Variants in THEMIS observed in about 807,000 individuals in gnomAD.
THEMIS encodes protein THEMIS.
Under a neutral mutation model 52.6 loss-of-function variants are expected in THEMIS, and 37 were observed. The observed-to-expected ratio is 0.70, with a 90% CI of 0.54 to 0.93. The LOEUF is 0.93. Ranked by LOEUF, THEMIS falls within the 40% of genes least tolerant of loss-of-function variation. The pLI is 0.00. For missense variants in THEMIS, 808 were observed against 763.1 expected, an observed-to-expected ratio of 1.06 and a Z score of -0.69; for synonymous variants, 292 against 272.7, an observed-to-expected ratio of 1.07 and a Z score of -0.70.
At chr6:127,774,138 A>G (rs1225180694) in intron 4 of THEMIS, among the ~76,000 whole-genome samples, 2 of 152,254 alleles carry the variant, frequency 1.3e-5, no homozygotes, top group Non-Finnish European at 2.9e-5. Context: ...CAACATTTTT[A>G]CATGGCAGCG....
intron 4 of THEMIS, among the ~76,000 whole-genome samples, chr6:127,725,879 CA>C: frequency 6.6e-6 from 1 of 152,228 alleles, no homozygotes; most frequent in African/African-American, 2.4e-5. Flanking sequence ...CTGTGTTTGG[CA>C]GGACTTGGTT....
At chr6:127,723,445 G>A (rs377590317) in intron 4 of THEMIS, among the ~76,000 whole-genome samples, 1 of 151,960 alleles carries the variant, frequency 6.6e-6, no homozygotes, top group Non-Finnish European at 1.5e-5. Flanking sequence ...GAGGTCTCAA[G>A]GTTCTGTTAT....
At chr6:127,848,094 G>A (rs1194333146) in intron 2 of THEMIS, among the ~76,000 whole-genome samples, 7 of 91,076 alleles carry the variant, frequency 7.7e-5, no homozygotes, top group East Asian at 5.6e-4. Context: ...AACAGGCCCC[G>A]GTGTGTGTGT....
At chr6:127,830,039 A>G in intron 2 of THEMIS, 105 bp from the exon 3 acceptor site, 1 of 776,304 alleles carries the variant, frequency 1.3e-6, no homozygotes, top group African/African-American at 1.8e-5. Flanking sequence ...ATACATTTTT[A>G]AAGTGATATC....
chr6:127,914,354 T>A (rs1302359681), intron 1 of THEMIS, among the ~76,000 whole-genome samples: 2 of 152,212 alleles, frequency 1.3e-5, no homozygotes, highest in East Asian at 3.9e-4. Context: ...CTTGCCACTT[T>A]GTAAATTCCT....
At chr6:127,891,257 G>A (rs375908144) in intron 1 of THEMIS, among the ~76,000 whole-genome samples, 10 of 151,914 alleles carry the variant, frequency 6.6e-5, no homozygotes, top group African/African-American at 1.9e-4. Flanking sequence ...TCGGCCAGGC[G>A]CGGTGGCTCA....
chr6:127,827,137 C>A lies in THEMIS; in HGVS notation c.709+2339G>T, dbSNP rs571614998. ...AAAACTTCCAATTCCCTGCTCAGAC[C>A]TACTCTTTTTCTTGACGTCAAGGCA... On this transcript the variant is annotated intron_variant, in intron 3 of 5. Transcript: ENST00000368248. Among the ~76,000 whole-genome samples, 166 of 152,116 alleles carry A rather than the reference C, an allele frequency of 1.1e-3. 2 individuals carry two copies. The highest frequency in any genetic ancestry group is 3.9e-3 in the African/African-American group (162 of 41,516).
chr6:127,908,094 G>A (rs1386500714), intron 1 of THEMIS, among the ~76,000 whole-genome samples: 1 of 151,972 alleles, frequency 6.6e-6, no homozygotes, highest in Admixed American at 6.6e-5. Flanking sequence ...CCTGCCTCCC[G>A]GCACTTTTAG....
chr6:127,888,409 G>A (rs1276192318), intron 1 of THEMIS, among the ~76,000 whole-genome samples: 2 of 152,022 alleles, frequency 1.3e-5, no homozygotes, highest in African/African-American at 2.4e-5. Flanking sequence ...ATGATGGCTT[G>A]AACTAAGGGG....
At chr6:127,788,461 T>G (rs1188777713) in intron 4 of THEMIS, among the ~76,000 whole-genome samples, 1 of 152,196 alleles carries the variant, frequency 6.6e-6, no homozygotes, top group Non-Finnish European at 1.5e-5. Context: ...TTAAAATGCT[T>G]TATTTGCCAA....
downstream of THEMIS, among the ~76,000 whole-genome samples, chr6:127,707,028 G>A (rs529228602): frequency 4.6e-5 from 7 of 152,236 alleles, no homozygotes; most frequent in South Asian, 1.5e-3. Flanking sequence ...CATGGCAGAA[G>A]GGGAAGCAAA....
intron 4 of THEMIS, among the ~76,000 whole-genome samples, chr6:127,722,590 C>G (rs746683644): frequency 1.3e-5 from 2 of 151,962 alleles, no homozygotes; most frequent in Non-Finnish European, 2.9e-5. Context: ...TGACGAAAAT[C>G]TCATTCTTCT....
In THEMIS at chr6:127,723,839, T is replaced by G. The variant is rs1031831229; in HGVS notation, c.1759-4016A>C. 9.2e-4 allele frequency among the ~76,000 whole-genome samples: 140 copies of G among 152,176 alleles called. 3 individuals are homozygous for G. The highest frequency in any genetic ancestry group is 6.2e-4 in the South Asian group (3 of 4,824). On this transcript the variant is annotated intron_variant, in intron 4 of 5. Transcript: ENST00000368248. ...TCTACTATAATGCAATTTTTATAAT[T>G]ACAATCAAATAATAGCTGTTTTCAT... is the stretch of plus-strand genomic sequence containing the variant.
At position 127,813,170 on chromosome 6, in the gene THEMIS, G is replaced by A. The variant is rs779053579; in HGVS notation, c.1471C>T (p.Leu491Phe). Residue 491 changes from leucine (L) to phenylalanine (F), a missense_variant, in exon 4 of 6, where the codon CTC (leucine) becomes TTC (phenylalanine). Coordinates refer to ENST00000368248, the MANE Select transcript of THEMIS (RefSeq NM_001010923.3). ...GTGGGGTTGGCAAAGTCACTTATGA[G>A]TAGGTAAGAGTCTGTAATGTCCTCC... The part of the protein sequence containing the change: ...LEEDITDSYL[L>F]ISDFANPTEC... The A allele has an allele frequency of 3.1e-6, 5 of 1,614,072 alleles. No homozygotes were observed. In the South Asian group the frequency reaches 5.5e-5, roughly 18 times the overall value.
At chr6:127,764,965 A>G (rs977125576) in intron 4 of THEMIS, among the ~76,000 whole-genome samples, 4 of 152,018 alleles carry the variant, frequency 2.6e-5, no homozygotes, top group Non-Finnish European at 5.9e-5. Flanking sequence ...TGAATTTGAA[A>G]GCTTCATATA....
At chr6:127,769,354 T>TG (rs1274148035) in intron 4 of THEMIS, among the ~76,000 whole-genome samples, 3 of 147,070 alleles carry the variant, frequency 2.0e-5, no homozygotes, top group Non-Finnish European at 3.0e-5. Flanking sequence ...TTTTTTTTGT[T>TG]TTTTTTTTTT....
At chr6:127,745,490 T>C (rs1408427411) in intron 4 of THEMIS, among the ~76,000 whole-genome samples, 1 of 151,862 alleles carries the variant, frequency 6.6e-6, no homozygotes, top group Non-Finnish European at 1.5e-5. Flanking sequence ...GGATATGGCA[T>C]TACAATGTAC....
chr6:127,712,494 A>T (rs555839113), intron 5 of THEMIS, among the ~76,000 whole-genome samples: 2 of 152,066 alleles, frequency 1.3e-5, no homozygotes, highest in Admixed American at 6.6e-5. Context: ...ATCCAAATTG[A>T]TTTAAAGTCT....
At chr6:127,809,636 C>G (rs573504274) in intron 4 of THEMIS, among the ~76,000 whole-genome samples, 17 of 152,056 alleles carry the variant, frequency 1.1e-4, no homozygotes, top group Admixed American at 2.6e-4. Context: ...AATTCTCAAC[C>G]AAAGCAGGGA....
Sources: allele counts gnomAD v4.1 joint callset (sites outside exome capture counted in the v4.1 genomes callset), GRCh38; gene constraint gnomAD v4.1.1; transcripts MANE v1.5; gene names NCBI Gene and HGNC (gene_info 2026-07-23, HGNC 2026-07-21).